Variants in RABGAP1 observed in about 807,000 individuals in gnomAD.
RABGAP1 encodes the protein RAB GTPase activating protein 1.
Under a neutral mutation model 137.6 loss-of-function variants are expected in RABGAP1, and 23 were observed. That is an observed-to-expected ratio of 0.17 (90% CI 0.12 to 0.24). RABGAP1 has a LOEUF of 0.24. RABGAP1 is among the 10% of genes least tolerant of loss of function. The pLI is 1.00. For synonymous variants in RABGAP1, 451 were observed against 450.7 expected, an observed-to-expected ratio of 1.00 and a Z score of -0.01; for missense variants, 906 against 1,275.8, an observed-to-expected ratio of 0.71 and a Z score of 4.42.
In RABGAP1 at chr9:122,964,838, T is replaced by A. The variant is rs537263273; in HGVS notation, c.150+7629T>A. On this transcript the variant is annotated intron_variant, in intron 2 of 25. Transcript: ENST00000373647. ...AGACTCCATCTCTACAAGAAAAAAA[T>A]TTTTTTTAATTAGCTGAATGTGGTG... is the stretch of plus-strand genomic sequence containing the variant. Among the ~76,000 whole-genome samples the A allele has an allele frequency of 3.4e-4, 51 of 151,760 alleles. 1 individual carries two copies. Among genetic ancestry groups the A allele is most frequent in the African/African-American group, 6.8e-4 (28 of 41,374 alleles).
intron 17 of RABGAP1, among the ~76,000 whole-genome samples, chr9:123,075,693 C>T (rs2034487973): frequency 6.6e-6 from 1 of 152,166 alleles, no homozygotes; most frequent in African/African-American, 2.4e-5. Context: ...AACTTTTCAG[C>T]TAATTATCTC....
intron 24 of RABGAP1, 64 bp from the exon 25 acceptor site, chr9:123,101,502 C>G: frequency 1.4e-6 from 2 of 1,470,202 alleles, no homozygotes; most frequent in Non-Finnish European, 1.9e-6. Context: ...AAAGGAGATG[C>G]TCACACCATC....
chr9:123,067,774 T>TA (rs1299138648), intron 14 of RABGAP1, among the ~76,000 whole-genome samples: 1 of 152,204 alleles, frequency 6.6e-6, no homozygotes, highest in Non-Finnish European at 1.5e-5. Flanking sequence ...CAGATTTCGT[T>TA]ACAGCCAACA....
chr9:123,054,699 T>G (rs1483806233), intron 13 of RABGAP1, among the ~76,000 whole-genome samples: 1 of 152,250 alleles, frequency 6.6e-6, no homozygotes, highest in Non-Finnish European at 1.5e-5. Flanking sequence ...TCATGTTTCC[T>G]TAGGTTCCTG....
chr9:123,081,740 C>T (rs766625722), intron 19 of RABGAP1, among the ~76,000 whole-genome samples: 12 of 152,218 alleles, frequency 7.9e-5, no homozygotes, highest in Non-Finnish European at 1.6e-4. Flanking sequence ...ACTGCGCCGA[C>T]CATTGTTGTG....
At chr9:123,099,332 C>G (rs2035274033) in intron 23 of RABGAP1, 146 bp from the exon 24 acceptor site, 4 of 701,776 alleles carry the variant, frequency 5.7e-6, no homozygotes, top group Non-Finnish European at 9.5e-6. Flanking sequence ...CCCTGCTTAT[C>G]CATCGACTTC....
At chr9:122,934,083 T>A in the RABGAP1 span, among the ~76,000 whole-genome samples, 1 of 146,930 alleles carries the variant, frequency 6.8e-6, no homozygotes, top group Non-Finnish European at 1.5e-5. Flanking sequence ...TTTCTTTTCT[T>A]TTTTTTTTTT....
upstream of RABGAP1, chr9:122,939,680 G>A (rs1833459962): frequency 6.6e-6 from 1 of 152,184 alleles, no homozygotes; most frequent in Admixed American, 6.5e-5. Context: ...AAGTGGTTTT[G>A]TTGGGAGTTC....
At chr9:122,965,622 G>A (rs1835100866) in intron 2 of RABGAP1, among the ~76,000 whole-genome samples, 1 of 152,190 alleles carries the variant, frequency 6.6e-6, no homozygotes, top group Admixed American at 6.5e-5. Flanking sequence ...GACCTCAGGT[G>A]ATCCGCCTGC....
rs571540471 is a variant in RABGAP1, at chr9:123,031,403, A to G, written c.1794+10944A>G. Among the ~76,000 whole-genome samples, 3 of 152,364 alleles carry G rather than the reference A, an allele frequency of 2.0e-5. No individual in the cohort carries two copies. The East Asian group carries it at 5.8e-4, about 29-fold the overall frequency. ...GCTGGAGGGCAGGTTATTTGGGGGA[A>G]GTAAAACAGTTGAGATCAGACTAGA... On this transcript the variant is annotated intron_variant, in intron 13 of 25. Transcript: ENST00000373647.
At chr9:123,027,139 T>C (rs2032022672) in intron 13 of RABGAP1, among the ~76,000 whole-genome samples, 1 of 142,220 alleles carries the variant, frequency 7.0e-6, no homozygotes, top group African/African-American at 2.6e-5. Context: ...AGACGGACTC[T>C]CGCTCTCTCG....
At chr9:123,035,113 G>A (rs774853943) in intron 13 of RABGAP1, 1 of 1,613,860 alleles carries the variant, frequency 6.2e-7, no homozygotes, top group South Asian at 1.1e-5. Flanking sequence ...GTGGTGTGCG[G>A]AGTCCTGGCA....
At chr9:122,956,218 G>C (rs554349565) in intron 1 of RABGAP1, among the ~76,000 whole-genome samples, 2 of 152,246 alleles carry the variant, frequency 1.3e-5, no homozygotes, top group African/African-American at 4.8e-5. Context: ...GTATTTCCCA[G>C]CTCTAGAGTT....
intron 20 of RABGAP1, 64 bp downstream of exon 20, chr9:123,089,914 G>GT: frequency 7.2e-7 from 1 of 1,391,940 alleles, no homozygotes; most frequent in African/African-American, 1.4e-5. Flanking sequence ...GATTGCGCCT[G>GT]TAACTAGCTT....
chr9:122,954,504 A>C (rs1330500841), intron 1 of RABGAP1, among the ~76,000 whole-genome samples: 14 of 152,210 alleles, frequency 9.2e-5, no homozygotes, highest in Admixed American at 9.2e-4. Context: ...AAATCTTCTC[A>C]GTTCCTTAGT....
intron 1 of RABGAP1, among the ~76,000 whole-genome samples, chr9:122,956,368 G>A (rs1022167241): frequency 6.6e-6 from 1 of 151,546 alleles, no homozygotes; most frequent in African/African-American, 2.4e-5. Context: ...ATAACTAAGT[G>A]CTTTCCATTT....
intron 2 of RABGAP1, among the ~76,000 whole-genome samples, chr9:122,967,237 T>C (rs1375119289): frequency 6.6e-6 from 1 of 152,176 alleles, no homozygotes; most frequent in East Asian, 1.9e-4. Flanking sequence ...TTTGGAGAGA[T>C]TGGACTGTAG....
chr9:123,024,575 G>A (rs2031844935), intron 13 of RABGAP1, among the ~76,000 whole-genome samples: 1 of 151,966 alleles, frequency 6.6e-6, no homozygotes, highest in South Asian at 2.1e-4. Flanking sequence ...GAGTAGCTGG[G>A]ATTACAGGCG....
At chr9:123,025,647 A>C (rs1053571848) in intron 13 of RABGAP1, among the ~76,000 whole-genome samples, 1 of 146,496 alleles carries the variant, frequency 6.8e-6, no homozygotes, top group African/African-American at 2.5e-5. Context: ...GCATGTTCAC[A>C]CTACAGCAAA....
Sources: gnomAD v4.1 joint callset for allele counts (sites outside exome capture counted in the v4.1 genomes callset) on GRCh38, gnomAD v4.1.1 for gene constraint, MANE v1.5 for transcripts, NCBI Gene and HGNC (gene_info 2026-07-23, HGNC 2026-07-21) for gene names.